Variants in SRRM3 observed in about 807,000 individuals in gnomAD.
SRRM3 encodes serine/arginine repetitive matrix protein 3.
Under a neutral mutation model 66.2 loss-of-function variants are expected in SRRM3, and 27 were observed. The observed-to-expected ratio is 0.41, with a 90% CI of 0.30 to 0.56. The LOEUF (loss-of-function observed/expected upper bound fraction) is 0.56. Ranked by LOEUF, SRRM3 falls within the 20% of genes least tolerant of loss-of-function variation. SRRM3 has a pLI of 0.32. For synonymous variants in SRRM3, 391 were observed against 414.9 expected, an observed-to-expected ratio of 0.94 and a Z score of 0.70; for missense variants, 918 against 991.9, an observed-to-expected ratio of 0.93 and a Z score of 1.00.
At chr7:76,257,937 A>T (rs1801754435) in intron 3 of SRRM3, among the ~76,000 whole-genome samples, 1 of 152,086 alleles carries the variant, frequency 6.6e-6, no homozygotes, top group African/African-American at 2.4e-5. Context: ...GTGCAGGATG[A>T]GCCCTTGTCT....
intron 1 of SRRM3, among the ~76,000 whole-genome samples, chr7:76,217,637 C>A (rs924705274): frequency 2.6e-5 from 4 of 152,098 alleles, no homozygotes; most frequent in African/African-American, 7.2e-5. Flanking sequence ...GGGGGACCAA[C>A]CTAATGTCAG....
chr7:76,255,148 C>CTTTCTTTTTTTT lies in SRRM3; in HGVS notation c.336-4755_336-4754insCTTTTTTTTTTT, dbSNP rs1447372520. ...CTTTTCTTTCTTTCTTTCTTTCTTTCTTTTTTTTTTTTTTTTTTTGAGATG... is the reference window on the plus strand; with the variant it reads ...CTTTTCTTTCTTTCTTTCTTTCTTTCTTTCTTTTTTTTTTTTTTTTTTTTTTTTTTTGAGATG... On this transcript the variant is annotated intron_variant, in intron 3 of 14. Coordinates refer to ENST00000611745, the MANE Select transcript of SRRM3 (RefSeq NM_001110199.3). Among the ~76,000 whole-genome samples, 7 of 83,176 alleles carry CTTTCTTTTTTTT rather than the reference C, an allele frequency of 8.4e-5. No homozygotes were observed. In the South Asian group the frequency reaches 1.3e-3, roughly 16 times the overall value. The allele number at this position is 83,176 out of a possible 152,430, so 54.6% of individuals were successfully genotyped here.
intron 8 of SRRM3, among the ~76,000 whole-genome samples, chr7:76,262,496 C>T (rs572777518): frequency 1.5e-5 from 2 of 133,056 alleles, no homozygotes; most frequent in South Asian, 4.7e-4. Context: ...GCCTGGGTGA[C>T]ACAGCGAGAC....
intron 1 of SRRM3, among the ~76,000 whole-genome samples, chr7:76,204,841 G>C (rs1177097121): frequency 3.9e-5 from 6 of 152,172 alleles, no homozygotes; most frequent in Non-Finnish European, 8.8e-5. Context: ...GGGAGGCCAA[G>C]GCAGGAGGAT....
At chr7:76,277,962 T>C (rs989630232) in intron 11 of SRRM3, among the ~76,000 whole-genome samples, 4 of 152,120 alleles carry the variant, frequency 2.6e-5, no homozygotes, top group Non-Finnish European at 4.4e-5. Context: ...TTCCCCCACC[T>C]CATATGTGTT....
At chr7:76,249,388 A>G (rs1384607149) in intron 3 of SRRM3, among the ~76,000 whole-genome samples, 1 of 152,118 alleles carries the variant, frequency 6.6e-6, no homozygotes. Context: ...TCAAAAAAAA[A>G]AAAAAGGGTG....
chr7:76,213,282 A>G (rs184715833), intron 1 of SRRM3, among the ~76,000 whole-genome samples: 7 of 152,060 alleles, frequency 4.6e-5, no homozygotes, highest in African/African-American at 1.7e-4. Flanking sequence ...CAGTGCTAGG[A>G]TTACAGGCGT....
intron 14 of SRRM3, among the ~76,000 whole-genome samples, chr7:76,284,615 C>T (rs1289476117): frequency 6.6e-6 from 1 of 152,126 alleles, no homozygotes; most frequent in Non-Finnish European, 1.5e-5. Context: ...AGGCTGGGGA[C>T]GCCCCCAGAC....
chr7:76,249,778 G>A (rs1554606674), intron 3 of SRRM3, among the ~76,000 whole-genome samples: 1 of 152,086 alleles, frequency 6.6e-6, no homozygotes, highest in African/African-American at 2.4e-5. Flanking sequence ...TGGGCTATGT[G>A]GTACATGCCT....
intron 1 of SRRM3, among the ~76,000 whole-genome samples, chr7:76,232,768 G>C (rs2116990249): frequency 6.6e-6 from 1 of 152,266 alleles, no homozygotes; most frequent in East Asian, 1.9e-4. Context: ...GGACCAGGAG[G>C]CAGGGCCATG....
Position 76,261,361 on chromosome 7 carries a change from C to T in SRRM3, c.585C>T (p.Ser195=). The part of the protein sequence containing the change: ...RRLESECSCG[S]SSPLRKKKKS... ...CTCCCTGTGTCCACAGCTGTGGGAG[C>T]TCCTCACCCCTCCGCAAGAAGAAGA... The change falls in exon 7 of 15, where the codon AGC becomes AGT. Residue 195 remains serine, a synonymous_variant. Transcript: ENST00000611745. 1 of 1,520,330 alleles carries T rather than the reference C, an allele frequency of 6.6e-7. No homozygotes were observed. The allele number at this position is 1,520,330 out of a possible 1,614,324, so 94.2% of individuals were successfully genotyped here.
intron 1 of SRRM3, among the ~76,000 whole-genome samples, chr7:76,219,138 A>C (rs1800650398): frequency 6.6e-6 from 1 of 152,156 alleles, no homozygotes; most frequent in African/African-American, 2.4e-5. Context: ...GTGAGCCACC[A>C]TACCCGGCCT....
chr7:76,232,968 C>T (rs1801049740), intron 1 of SRRM3, among the ~76,000 whole-genome samples: 1 of 150,876 alleles, frequency 6.6e-6, no homozygotes, highest in Non-Finnish European at 1.5e-5. Flanking sequence ...CACGTGGTAA[C>T]AGGGGAGGAG....
intron 12 of SRRM3, among the ~76,000 whole-genome samples, chr7:76,282,410 C>A (rs782561113): frequency 8.1e-4 from 122 of 150,544 alleles, no homozygotes; most frequent in Non-Finnish European, 1.4e-3. Context: ...ACTCTCCCCC[C>A]ATCCCGCAGA....
chr7:76,283,487 C>G (rs1802585287), intron 14 of SRRM3: 1 of 458,704 alleles, frequency 2.2e-6, no homozygotes, highest in Admixed American at 2.5e-5. Context: ...GCATCCGTCT[C>G]CGGACAATGA....
intron 1 of SRRM3, among the ~76,000 whole-genome samples, chr7:76,224,264 G>C (rs1232132413): frequency 2.0e-5 from 3 of 148,958 alleles, no homozygotes; most frequent in Non-Finnish European, 4.5e-5. Context: ...TATTTTAGTA[G>C]AGACCGGGTT....
chr7:76,210,410 C>T (rs1442159983), intron 1 of SRRM3, among the ~76,000 whole-genome samples: 5 of 152,320 alleles, frequency 3.3e-5, no homozygotes, highest in Middle Eastern at 6.8e-3. Flanking sequence ...CCTCTCTCTT[C>T]CCTGCCTCTC....
chr7:76,252,899 C>A (rs1243407987), intron 3 of SRRM3, among the ~76,000 whole-genome samples: 2 of 152,122 alleles, frequency 1.3e-5, no homozygotes, highest in African/African-American at 4.8e-5. Flanking sequence ...CGCGGTGGCT[C>A]ACGCCTGTAA....
chr7:76,213,395 T>C (rs1276558698), intron 1 of SRRM3, among the ~76,000 whole-genome samples: 3 of 152,172 alleles, frequency 2.0e-5, no homozygotes, highest in Non-Finnish European at 4.4e-5. Context: ...TATTAACTTA[T>C]TTAGTCCTCA....
Sources: gnomAD v4.1 joint callset for allele counts (sites outside exome capture counted in the v4.1 genomes callset) on GRCh38, gnomAD v4.1.1 for gene constraint, MANE v1.5 for transcripts, NCBI Gene and HGNC (gene_info 2026-07-23, HGNC 2026-07-21) for gene names.